KCNT2: variants seen among roughly 807,000 people sequenced by gnomAD.
The protein encoded by KCNT2 is potassium channel subfamily T member 2.
In KCNT2, 67 loss-of-function variants were observed where a neutral mutation model predicts 153.8. The observed-to-expected ratio is 0.44, with a 90% confidence interval of 0.36 to 0.53. The LOEUF is 0.53. Among genes scored for constraint, KCNT2 ranks in the 20% least tolerant of loss-of-function variants. The probability of loss-of-function intolerance (pLI) is 0.00; values close to 1 mark genes in which losing one functional copy is unlikely to be tolerated. For missense variants in KCNT2, 975 were observed against 1,354.8 expected (o/e 0.72, Z 4.40); for synonymous variants, 500 against 458.8 (o/e 1.09, Z -1.15).
intron 1 of KCNT2, among the ~76,000 whole-genome samples, chr1:196,508,295 T>G (rs1175400133): frequency 6.6e-6 from 1 of 151,604 alleles, no homozygotes; most frequent in East Asian, 1.9e-4. Context: ...TTAAAAAATT[T>G]TAACCTTTTA....
chr1:196,478,157 C>G (rs1223609372), intron 5 of KCNT2, among the ~76,000 whole-genome samples: 2 of 152,192 alleles, frequency 1.3e-5, no homozygotes, highest in African/African-American at 2.4e-5. Context: ...CTATCTCAAC[C>G]CATCAGTTGA....
intron 13 of KCNT2, among the ~76,000 whole-genome samples, chr1:196,383,277 T>C (rs889498241): frequency 6.6e-6 from 1 of 152,226 alleles, no homozygotes; most frequent in Non-Finnish European, 1.5e-5. Context: ...CCATATGTGA[T>C]TCACCTATGA....
chr1:196,397,301 A>G (rs924054596), intron 13 of KCNT2, among the ~76,000 whole-genome samples: 4 of 151,556 alleles, frequency 2.6e-5, no homozygotes, highest in Admixed American at 6.6e-5. Flanking sequence ...AATAATAAAA[A>G]TAAGATAGCC....
In KCNT2 at chr1:196,373,973, C is replaced by T. The variant is rs558806085; in HGVS notation, c.1295-725G>A. ...AGAGCACATGGGAAAGTGCAGGCCA[C>T]ATCTAAAGAGAATGATGCTACTCAG... On this transcript the variant is annotated intron_variant, in intron 13 of 27. Transcript: ENST00000294725. Among the ~76,000 whole-genome samples, 3 of 151,868 alleles carry T rather than the reference C, an allele frequency of 2.0e-5. No individual in the cohort carries two copies. The South Asian group carries it at 6.2e-4, about 31-fold the overall frequency.
At chr1:196,421,487 C>A (rs911371133) in intron 12 of KCNT2, among the ~76,000 whole-genome samples, 1 of 151,994 alleles carries the variant, frequency 6.6e-6, no homozygotes, top group African/African-American at 2.4e-5. Flanking sequence ...AGTTCAAATT[C>A]ATTTCTTCAA....
At chr1:196,508,591 A>G (rs1309782790) in intron 1 of KCNT2, among the ~76,000 whole-genome samples, 2 of 152,214 alleles carry the variant, frequency 1.3e-5, no homozygotes, top group African/African-American at 4.8e-5. Flanking sequence ...TACAAAAAGA[A>G]GTATTAACAA....
intron 5 of KCNT2, among the ~76,000 whole-genome samples, chr1:196,469,494 A>C (rs1309093470): frequency 6.6e-6 from 1 of 152,208 alleles, no homozygotes. Context: ...CATTGGTATT[A>C]AAATTGTTTT....
chr1:196,374,519 C>T (rs77340680), intron 13 of KCNT2, among the ~76,000 whole-genome samples: 53 of 151,802 alleles, frequency 3.5e-4, no homozygotes, highest in African/African-American at 1.3e-3. Context: ...CAAGTTTCTA[C>T]TGATAATCTC....
chr1:196,307,437 A>G (rs763170509), intron 21 of KCNT2, among the ~76,000 whole-genome samples: 4 of 152,098 alleles, frequency 2.6e-5, no homozygotes, highest in Non-Finnish European at 4.4e-5. Flanking sequence ...TTGGCTGCCC[A>G]GTATCTGATT....
At chr1:196,390,429 T>C (rs1451294864) in intron 13 of KCNT2, among the ~76,000 whole-genome samples, 1 of 151,598 alleles carries the variant, frequency 6.6e-6, no homozygotes, top group African/African-American at 2.4e-5. Context: ...TCAATCTCCC[T>C]TGGTTGCTGC....
At chr1:196,277,317 A>G (rs909672331) in intron 25 of KCNT2, among the ~76,000 whole-genome samples, 1 of 152,046 alleles carries the variant, frequency 6.6e-6, no homozygotes, top group Non-Finnish European at 1.5e-5. Context: ...ATCTGGCTGG[A>G]TTACAAACTT....
At chr1:196,318,483 G>T (rs930156904) in intron 20 of KCNT2, among the ~76,000 whole-genome samples, 1 of 151,636 alleles carries the variant, frequency 6.6e-6, no homozygotes, top group African/African-American at 2.4e-5. Context: ...CATCAGAAAA[G>T]GTATATGGGA....
intron 13 of KCNT2, among the ~76,000 whole-genome samples, chr1:196,395,271 C>T (rs1448726092): frequency 6.6e-6 from 1 of 151,396 alleles, no homozygotes; most frequent in Non-Finnish European, 1.5e-5. Context: ...ATGTTATTCC[C>T]GTTAAATGAG....
Position 196,340,341 on chromosome 1 carries a change from C to A in KCNT2, c.1783G>T (p.Gly595Cys). 6.6e-7 allele frequency: 1 copy of A among 1,524,314 alleles called. No homozygotes were observed. Among genetic ancestry groups the A allele is most frequent in the Non-Finnish European group, 8.9e-7 (1 of 1,122,838 alleles). The allele number at this position is 1,524,314 out of a possible 1,614,324, so 94.4% of individuals were successfully genotyped here. Residue 595 changes from glycine to cysteine, a missense_variant and splice_region_variant, in exon 16 of 28, where the codon GGT (glycine) becomes TGT (cysteine). Around this residue, in one of 6 missense-constraint regions of KCNT2, gnomAD observed 325 missense variants for 388.1 expected, o/e 0.84. Transcript: ENST00000294725. ...LPVHSIIASM[G>C]TVAIDLQDTS... ...ATATTTCAAATTTGTTTATACTTAC[C>A]CATGCTGGCAATTATGCTATGTACA...
chr1:196,258,098 A>C (rs769379080), intron 26 of KCNT2, 96 bp downstream of exon 26: 4 of 1,484,568 alleles, frequency 2.7e-6, no homozygotes, highest in Non-Finnish European at 3.6e-6. Context: ...CCTGTGAAGC[A>C]AAAATTCAAT....
intron 19 of KCNT2, among the ~76,000 whole-genome samples, chr1:196,320,529 T>G (rs533832182): frequency 2.6e-5 from 4 of 151,802 alleles, no homozygotes; most frequent in Non-Finnish European, 5.9e-5. Context: ...AAAGGATTAG[T>G]AGGAGTTTGT....
intron 14 of KCNT2, among the ~76,000 whole-genome samples, chr1:196,348,968 A>G (rs1008489293): frequency 2.0e-5 from 3 of 152,090 alleles, no homozygotes; most frequent in African/African-American, 7.2e-5. Flanking sequence ...AAGAGAAAGA[A>G]AGAATCCCCT....
intron 8 of KCNT2, among the ~76,000 whole-genome samples, chr1:196,443,418 A>G (rs1462698947): frequency 6.6e-6 from 1 of 151,544 alleles, no homozygotes; most frequent in Non-Finnish European, 1.5e-5. Context: ...CCTTGCAGCT[A>G]AACATTATAC....
At chr1:196,594,463 T>C (rs952243358) in intron 1 of KCNT2, among the ~76,000 whole-genome samples, 6 of 152,116 alleles carry the variant, frequency 3.9e-5, no homozygotes, top group Admixed American at 3.3e-4. Flanking sequence ...CTGTGACATA[T>C]TTCTTTTTCT....
Sources: allele counts gnomAD v4.1 joint callset (sites outside exome capture counted in the v4.1 genomes callset), GRCh38; gene constraint gnomAD v4.1.1; regional missense constraint gnomAD v4.1.1; transcripts MANE v1.5; gene names NCBI Gene and HGNC (gene_info 2026-07-23, HGNC 2026-07-21).